PBX4: variants seen among roughly 807,000 people sequenced by gnomAD.
PBX4 encodes the protein pre-B-cell leukemia transcription factor 4.
PBX4 carries 26 observed loss-of-function variants against 35.1 expected under a neutral mutation model. The ratio of observed to expected loss-of-function variants is 0.74; its 90% CI spans 0.54 to 1.03. The LOEUF is 1.03. PBX4 is among the 50% of genes least tolerant of loss of function. The probability of loss-of-function intolerance (pLI) is 0.00; values close to 1 mark genes in which losing one functional copy is unlikely to be tolerated. For synonymous variants in PBX4, 199 were observed against 204.2 expected, an observed-to-expected ratio of 0.97 and a Z score of 0.22; for missense variants, 448 against 504.3, an observed-to-expected ratio of 0.89 and a Z score of 1.07.
intron 1 of PBX4, among the ~76,000 whole-genome samples, chr19:19,605,416 A>AAACAATAATAAT (rs549207456): frequency 7.2e-6 from 1 of 139,366 alleles, no homozygotes; most frequent in Non-Finnish European, 1.5e-5. Flanking sequence ...CTCTGTCTCA[A>AAACAATAATAAT]AATAATAATA....
rs370113683 is a variant in PBX4 at position 19,567,573 on chromosome 19, C to T, written c.768+1876G>A. Among the ~76,000 whole-genome samples, 121 of 152,278 alleles carry T rather than the reference C, an allele frequency of 7.9e-4. No individual in the cohort carries two copies. The East Asian group carries it at 0.014, about 17-fold the overall frequency. ...GGCTGTGCCTGCCCAGGTGGGAGGG[C>T]GGCACCCAGGCCCTGTTCCACACAC... is the stretch of plus-strand genomic sequence containing the variant. On this transcript the variant is annotated intron_variant, in intron 5 of 7. Coordinates refer to ENST00000251203, the MANE Select transcript of PBX4 (RefSeq NM_025245.3).
At chr19:19,598,279 T>C (rs2144767936) in intron 2 of PBX4, among the ~76,000 whole-genome samples, 1 of 149,916 alleles carries the variant, frequency 6.7e-6, no homozygotes, top group African/African-American at 2.5e-5. Flanking sequence ...TTTTCAACTT[T>C]TCTTTTTCTT....
chr19:19,562,862 G>A lies in PBX4; in HGVS notation c.1032+647C>T, dbSNP rs933641014. Among the ~76,000 whole-genome samples the A allele has an allele frequency of 6.6e-6, 1 of 152,172 alleles. No individual in the cohort carries two copies. Among genetic ancestry groups the A allele is most frequent in the Non-Finnish European group, 1.5e-5 (1 of 68,018 alleles). On this transcript the variant is annotated intron_variant, in intron 7 of 7. Coordinates refer to ENST00000251203, the MANE Select transcript of PBX4 (RefSeq NM_025245.3). The surrounding 1 kb of genome is among the most constrained non-coding windows in gnomAD (Gnocchi z 4.8). ...TGGCTGGGGGCTGCATGGTGATGGGGGGCAGCTGCCACAGCAGGACAGTGT... is the reference window on the plus strand; with the variant it reads ...TGGCTGGGGGCTGCATGGTGATGGGAGGCAGCTGCCACAGCAGGACAGTGT...
At chr19:19,613,912 A>G (rs892447606) in intron 1 of PBX4, among the ~76,000 whole-genome samples, 3 of 152,004 alleles carry the variant, frequency 2.0e-5, no homozygotes, top group African/African-American at 4.8e-5. Context: ...TTACCTCTAC[A>G]CAGCACATTC....
intron 2 of PBX4, among the ~76,000 whole-genome samples, chr19:19,572,131 A>G (rs1264742753): frequency 7.7e-6 from 1 of 129,236 alleles, no homozygotes; most frequent in African/African-American, 3.0e-5. Context: ...CTGGGGTGCA[A>G]TGGCATGGTC....
intron 2 of PBX4, among the ~76,000 whole-genome samples, chr19:19,589,924 GAC>G (rs2061516306): frequency 6.6e-6 from 1 of 152,144 alleles, no homozygotes; most frequent in African/African-American, 2.4e-5. Flanking sequence ...AAGCACACAA[GAC>G]AGTTTCCGTC....
At chr19:19,572,706 T>A (rs1364371458) in intron 2 of PBX4, among the ~76,000 whole-genome samples, 1 of 150,316 alleles carries the variant, frequency 6.7e-6, no homozygotes, top group Non-Finnish European at 1.5e-5. Flanking sequence ...CTCTACTAAT[T>A]AGCCGGGCAT....
intron 2 of PBX4, among the ~76,000 whole-genome samples, chr19:19,581,842 C>A (rs2061456237): frequency 6.6e-6 from 1 of 152,150 alleles, no homozygotes; most frequent in South Asian, 2.1e-4. Flanking sequence ...GGTGTTCCTG[C>A]CACGATGCAA....
At position 19,570,221 on chromosome 19, in the gene PBX4, T is replaced by C; in HGVS notation, c.520A>G (p.Ile174Val). The change falls in exon 4 of 8, where the codon ATT becomes GTT. Residue 174 changes from isoleucine (I) to valine (V), a missense_variant. Transcript: ENST00000251203. ...SRMRPVSPKE[I>V]ERMVGAIHGK... is the part of the protein sequence containing the mutation. ...TGAATGGCGCCGACCATGCGCTCAA[T>C]CTCCTTAGGGGAGACAGGCCTCATC... 6.2e-7 allele frequency: 1 copy of C among 1,614,088 alleles called. No individual in the cohort carries two copies. The highest frequency in any genetic ancestry group is 1.1e-5 in the South Asian group (1 of 91,084).
Position 19,575,306 on chromosome 19 carries a change from C to T in PBX4, c.194-4473G>A, listed in dbSNP as rs539945706. Among the ~76,000 whole-genome samples, 351 of 151,804 alleles carry T rather than the reference C, an allele frequency of 2.3e-3. 1 individual carries two copies. In the South Asian group the frequency reaches 0.033, roughly 14 times the overall value. ...CACTGCCAGCACCCATGAGCGAGGACAGCCCACTTGGAATGATGCTCATGG... is the reference window on the plus strand; with the variant it reads ...CACTGCCAGCACCCATGAGCGAGGATAGCCCACTTGGAATGATGCTCATGG... On this transcript the variant is annotated intron_variant, in intron 2 of 7. Coordinates refer to ENST00000251203, the MANE Select transcript of PBX4 (RefSeq NM_025245.3).
intron 1 of PBX4, among the ~76,000 whole-genome samples, chr19:19,615,088 C>T (rs894123267): frequency 2.3e-4 from 33 of 144,488 alleles, no homozygotes; most frequent in African/African-American, 7.7e-4. Context: ...TTGCTTGAGC[C>T]TGGGAGGCAG....
rs764835727 is a variant in PBX4 at position 19,570,624 on chromosome 19, G to A, written c.403C>T (p.Arg135Ter). ...TCTAGCTCAGAGTGGTAAATCTGTC[G>A]GATCTGGGACAGCTTGGCCCTGTAG... is the stretch of plus-strand genomic sequence containing the variant. The part of the protein sequence containing the change: ...SDYRAKLSQI[R>*]QIYHSELEKY... The change falls in exon 3 of 8, where the codon CGA becomes TGA. Residue 135 changes from arginine (R) to a stop codon, truncating the protein, a stop_gained. Coordinates refer to ENST00000251203, the MANE Select transcript of PBX4 (RefSeq NM_025245.3). LOFTEE classifies it high-confidence loss of function. The A allele has an allele frequency of 9.9e-6, 16 of 1,614,018 alleles. No homozygotes were observed. The Admixed American group carries it at 1.0e-4, about 10-fold the overall frequency.
chr19:19,563,705 T>C lies in PBX4; in HGVS notation c.926-90A>G. ...CCCTCAGCCGGCAGGAGGCCTCGAA[T>C]GTGGCTCCTGCCCCTCCTCAGCATC... is the stretch of plus-strand genomic sequence containing the variant. On this transcript the variant is annotated intron_variant, in intron 6 of 7. Coordinates refer to ENST00000251203, the MANE Select transcript of PBX4 (RefSeq NM_025245.3). The surrounding 1 kb of genome is among the most constrained non-coding windows in gnomAD (Gnocchi z 5.1). 9.1e-7 allele frequency: 1 copy of C among 1,093,572 alleles called. No homozygotes were observed. Among genetic ancestry groups the C allele is most frequent in the Non-Finnish European group, 1.4e-6 (1 of 735,418 alleles). The allele number at this position is 1,093,572 out of a possible 1,614,324, so 67.7% of individuals were successfully genotyped here.
chr19:19,582,078 A>C (rs1404123490), intron 2 of PBX4, among the ~76,000 whole-genome samples: 3 of 152,124 alleles, frequency 2.0e-5, no homozygotes, highest in African/African-American at 7.2e-5. Flanking sequence ...TGAGAACCCA[A>C]GGCCCCCTAC....
intron 1 of PBX4, among the ~76,000 whole-genome samples, chr19:19,611,167 C>T (rs12610191): frequency 0.087 from 13,288 of 152,174 alleles, 624 homozygotes; most frequent in South Asian, 0.15. Context: ...CTTATATTCA[C>T]TATTGCAAAA....
chr19:19,570,740 G>A lies in PBX4; in HGVS notation c.287C>T (p.Pro96Leu), dbSNP rs550438529. The change falls in exon 3 of 8, where the codon CCC becomes CTC. Residue 96 changes from proline to leucine, a missense_variant. Coordinates refer to ENST00000251203, the MANE Select transcript of PBX4 (RefSeq NM_025245.3). ...NMLLAEGVCRPEKRGRGGAVA... is the reference protein window; with the variant it reads ...NMLLAEGVCRLEKRGRGGAVA... ...CGCTCCTCCTCTTCCTCTCTTCTCG[G>A]GCCTGCACACGCCCTCAGCCAGCAG... The A allele has an allele frequency of 6.2e-7, 1 of 1,614,084 alleles. No homozygotes were observed. Among genetic ancestry groups the A allele is most frequent in the African/African-American group, 1.3e-5 (1 of 75,014 alleles).
At chr19:19,590,505 G>T in intron 2 of PBX4, among the ~76,000 whole-genome samples, 1 of 140,586 alleles carries the variant, frequency 7.1e-6, no homozygotes, top group Admixed American at 7.5e-5. Flanking sequence ...GTCTTGCTCT[G>T]TCACCTAGGC....
At chr19:19,603,513 T>C (rs1464883934) in intron 1 of PBX4, among the ~76,000 whole-genome samples, 3 of 152,122 alleles carry the variant, frequency 2.0e-5, no homozygotes, top group Admixed American at 6.6e-5. Flanking sequence ...TTTGGCATGT[T>C]GGTCAGCCTC....
Position 19,594,931 on chromosome 19 carries a change from AG to A in PBX4, c.193+4360del, listed in dbSNP as rs904543314. On this transcript the variant is annotated intron_variant, in intron 2 of 7. Coordinates refer to ENST00000251203, the MANE Select transcript of PBX4 (RefSeq NM_025245.3). ...GAGACGGGGTTTCATCATGTTGGTC[AG>A]GCTGGTCTCGAACTCCTGATCTCAG... Among the ~76,000 whole-genome samples, 101 of 152,346 alleles carry A rather than the reference AG, an allele frequency of 6.6e-4. 1 individual carries two copies. Among genetic ancestry groups the A allele is most frequent in the African/African-American group, 2.1e-3 (89 of 41,574 alleles).
Sources: gnomAD v4.1 joint callset for allele counts (sites outside exome capture counted in the v4.1 genomes callset) on GRCh38, gnomAD v4.1.1 for gene constraint, Gnocchi (gnomAD v3.1) non-coding constraint, MANE v1.5 for transcripts, NCBI Gene and HGNC (gene_info 2026-07-23, HGNC 2026-07-21) for gene names.